Variants in TENM3 observed in about 807,000 individuals in gnomAD.
The protein encoded by TENM3 is teneurin-3.
Under a neutral mutation model 255.1 loss-of-function variants are expected in TENM3, and 63 were observed. The observed-to-expected ratio is 0.25, with a 90% confidence interval of 0.20 to 0.30. The LOEUF is 0.30. TENM3 is among the 10% of genes least tolerant of loss of function. The probability of loss-of-function intolerance (pLI) is 1.00; values close to 1 mark genes in which losing one functional copy is unlikely to be tolerated. For synonymous variants in TENM3, 1,306 were observed against 1,322.3 expected, an observed-to-expected ratio of 0.99 and a Z score of 0.27; for missense variants, 2,929 against 3,461.1, an observed-to-expected ratio of 0.85 and a Z score of 3.86.
chr4:182,112,850 A>G, the TENM3 span, among the ~76,000 whole-genome samples: 20 of 152,210 alleles, frequency 1.3e-4, no homozygotes, highest in Non-Finnish European at 2.5e-4. Context: ...CCTTGGATAA[A>G]TGCTGCTCAC....
intron 22 of TENM3, among the ~76,000 whole-genome samples, chr4:182,767,131 T>C (rs1763782607): frequency 6.6e-6 from 1 of 152,188 alleles, no homozygotes; most frequent in African/African-American, 2.4e-5. Flanking sequence ...GATTTCTTAC[T>C]ACCTTGCTAC....
intron 3 of TENM3, among the ~76,000 whole-genome samples, chr4:182,563,274 A>G (rs1327926326): frequency 6.6e-6 from 1 of 152,148 alleles, no homozygotes; most frequent in Non-Finnish European, 1.5e-5. Flanking sequence ...CTACAAAAAT[A>G]CAAAAATTAG....
chr4:181,871,547 T>C, the TENM3 span, among the ~76,000 whole-genome samples: 4 of 152,270 alleles, frequency 2.6e-5, no homozygotes, highest in South Asian at 4.1e-4. Context: ...ATGCCTTTTA[T>C]GTCTTTCTCT....
intron 11 of TENM3, among the ~76,000 whole-genome samples, chr4:182,684,437 C>T: frequency 4.4e-4 from 1 of 2,272 alleles, no homozygotes. Flanking sequence ...CTGGCCCCAT[C>T]ACAAAAAAAA....
the TENM3 span, among the ~76,000 whole-genome samples, chr4:181,833,474 G>C: frequency 6.6e-6 from 1 of 152,112 alleles, no homozygotes; most frequent in Non-Finnish European, 1.5e-5. Flanking sequence ...GGAGCATGTC[G>C]CTGCCATGCT....
rs557859577 is a variant in TENM3, at chr4:182,734,092, A to G, written c.2968-2716A>G. ...GAAGACGTGCATCCTGCCATTCTAAATGCGATAAAGATTTTAATGAAGAAT... is the reference window on the plus strand; with the variant it reads ...GAAGACGTGCATCCTGCCATTCTAAGTGCGATAAAGATTTTAATGAAGAAT... On this transcript the variant is annotated intron_variant, in intron 16 of 27. Transcript: ENST00000511685. Among the ~76,000 whole-genome samples, 7 of 152,350 alleles carry G rather than the reference A, an allele frequency of 4.6e-5. No homozygotes were observed. In the East Asian group the frequency reaches 1.2e-3, roughly 25 times the overall value.
At chr4:182,006,143 C>T in the TENM3 span, among the ~76,000 whole-genome samples, 4 of 152,082 alleles carry the variant, frequency 2.6e-5, no homozygotes, top group African/African-American at 4.8e-5. Context: ...TGTCTTGTAC[C>T]GGTTTTCAAA....
chr4:181,505,347 G>A, the TENM3 span, among the ~76,000 whole-genome samples: 3 of 152,096 alleles, frequency 2.0e-5, no homozygotes, highest in Non-Finnish European at 2.9e-5. Flanking sequence ...TGCAACTTTG[G>A]CACCCAACAG....
At chr4:182,764,193 G>A (rs1046855090) in intron 22 of TENM3, among the ~76,000 whole-genome samples, 4 of 152,232 alleles carry the variant, frequency 2.6e-5, no homozygotes, top group African/African-American at 9.6e-5. Context: ...CTTAGGTTTT[G>A]ATAAGGTGGG....
At chr4:182,761,041 T>C (rs1300968078) in intron 22 of TENM3, among the ~76,000 whole-genome samples, 1 of 109,118 alleles carries the variant, frequency 9.2e-6, no homozygotes, top group African/African-American at 3.0e-5. Flanking sequence ...TGACTCCTAT[T>C]ATTTAAACAG....
chr4:181,733,481 T>C, the TENM3 span, among the ~76,000 whole-genome samples: 3 of 152,198 alleles, frequency 2.0e-5, no homozygotes, highest in Admixed American at 2.0e-4. Context: ...AGAGAAGTTG[T>C]CATGCATCCT....
the TENM3 span, among the ~76,000 whole-genome samples, chr4:182,078,236 C>G: frequency 6.6e-6 from 1 of 151,802 alleles, no homozygotes; most frequent in Non-Finnish European, 1.5e-5. Flanking sequence ...AAAAAATAAA[C>G]GAAACAGCCG....
chr4:181,750,226 G>T, the TENM3 span, among the ~76,000 whole-genome samples: 1 of 152,138 alleles, frequency 6.6e-6, no homozygotes, highest in African/African-American at 2.4e-5. Context: ...TCATGGTTGG[G>T]GGGTAGAAGA....
the TENM3 span, among the ~76,000 whole-genome samples, chr4:181,570,458 A>G: frequency 6.6e-6 from 1 of 151,926 alleles, no homozygotes; most frequent in Non-Finnish European, 1.5e-5. Flanking sequence ...CCATGATCAC[A>G]CCATTGCACT....
chr4:181,733,380 A>C, the TENM3 span, among the ~76,000 whole-genome samples: 1 of 152,224 alleles, frequency 6.6e-6, no homozygotes, highest in African/African-American at 2.4e-5. Flanking sequence ...ATATCTTTAT[A>C]ATCTCAGCTG....
the TENM3 span, among the ~76,000 whole-genome samples, chr4:181,859,773 C>T: frequency 1.3e-5 from 2 of 151,938 alleles, no homozygotes; most frequent in Non-Finnish European, 2.9e-5. Context: ...TGATCATATG[C>T]GTTTCTAGAA....
rs552399068 is a variant in TENM3, at chr4:182,780,129, G to C, written c.5304+4976G>C. Among the ~76,000 whole-genome samples, 99 of 152,142 alleles carry C rather than the reference G, an allele frequency of 6.5e-4. 1 individual carries two copies. The highest frequency in any genetic ancestry group is 1.5e-3 in the South Asian group (7 of 4,804). On this transcript the variant is annotated intron_variant, in intron 24 of 27. Transcript: ENST00000511685. ...GGTGTTTTAGACATGAAGTCCTTGCGCATGCCTATGTCCTGAATGGTGATG... is the reference window on the plus strand; with the variant it reads ...GGTGTTTTAGACATGAAGTCCTTGCCCATGCCTATGTCCTGAATGGTGATG...
At chr4:182,090,534 T>C in the TENM3 span, among the ~76,000 whole-genome samples, 1 of 152,146 alleles carries the variant, frequency 6.6e-6, no homozygotes, top group Non-Finnish European at 1.5e-5. Flanking sequence ...TCCTAAAACC[T>C]GAGAAAGCCA....
chr4:182,399,982 C>T (rs1368172410), intron 3 of TENM3, among the ~76,000 whole-genome samples: 1 of 151,920 alleles, frequency 6.6e-6, no homozygotes, highest in East Asian at 1.9e-4. Context: ...GTTTCAAAGG[C>T]CATTACCTGT....
Sources: gnomAD v4.1 joint callset for allele counts (sites outside exome capture counted in the v4.1 genomes callset) on GRCh38, gnomAD v4.1.1 for gene constraint, MANE v1.5 for transcripts, NCBI Gene and HGNC (gene_info 2026-07-23, HGNC 2026-07-21) for gene names.